WTAP: variants seen among roughly 807,000 people sequenced by gnomAD.
The protein encoded by WTAP is pre-mRNA-splicing regulator WTAP.
In WTAP, 8 loss-of-function variants were observed where a neutral mutation model predicts 50.0. That is an observed-to-expected ratio of 0.16 (90% CI 0.09 to 0.29). The LOEUF is 0.29. Ranked by LOEUF, WTAP falls within the 10% of genes least tolerant of loss-of-function variation. The pLI is 1.00. For synonymous variants in WTAP, 194 were observed against 169.0 expected, an observed-to-expected ratio of 1.15 and a Z score of -1.15; for missense variants, 295 against 470.7, an observed-to-expected ratio of 0.63 and a Z score of 3.45.
chr6:159,727,256 C>T (rs754614257), upstream of WTAP: 22 of 1,283,106 alleles, frequency 1.7e-5, no homozygotes, highest in South Asian at 2.2e-4. Context: ...GACGGCCTCC[C>T]TCCCTTCACC....
intron 4 of WTAP, among the ~76,000 whole-genome samples, chr6:159,742,750 G>A (rs1391314217): frequency 6.6e-6 from 1 of 152,110 alleles, no homozygotes; most frequent in Admixed American, 6.6e-5. Context: ...ACCCATAGAA[G>A]TCATGAACAT....
intron 2 of WTAP, 113 bp from the exon 3 acceptor site, chr6:159,738,877 A>T: frequency 1.5e-6 from 1 of 689,276 alleles, no homozygotes; most frequent in Non-Finnish European, 2.3e-6. Flanking sequence ...AAAAAATCAT[A>T]ATATGTACTG....
At chr6:159,738,874 CATAAT>C (rs748664236) in intron 2 of WTAP, 111 bp from the exon 3 acceptor site, 8 of 622,936 alleles carry the variant, frequency 1.3e-5, no homozygotes, top group African/African-American at 3.8e-5. Flanking sequence ...TTCAAAAAAT[CATAAT>C]ATGTACTGAG....
intron 5 of WTAP, among the ~76,000 whole-genome samples, chr6:159,744,729 G>T (rs555354271): frequency 4.6e-5 from 7 of 151,400 alleles, no homozygotes; most frequent in African/African-American, 1.5e-4. Flanking sequence ...TAACCCCCCC[G>T]CCCTTTTCTT....
chr6:159,742,744 A>G (rs1021247606), intron 4 of WTAP, among the ~76,000 whole-genome samples: 2 of 152,302 alleles, frequency 1.3e-5, no homozygotes, highest in Non-Finnish European at 2.9e-5. Flanking sequence ...TGTGTTACCC[A>G]TAGAAGTCAT....
At chr6:159,739,553 G>A (rs1042255514) in intron 3 of WTAP, among the ~76,000 whole-genome samples, 3 of 152,176 alleles carry the variant, frequency 2.0e-5, no homozygotes, top group African/African-American at 4.8e-5. Context: ...CAAGTACAAC[G>A]TATAATCTTT....
intron 1 of WTAP, among the ~76,000 whole-genome samples, chr6:159,728,335 A>G (rs932247603): frequency 1.3e-5 from 2 of 152,208 alleles, no homozygotes; most frequent in African/African-American, 4.8e-5. Context: ...TCTTGTTTTG[A>G]TAAGAAAGTC....
intron 2 of WTAP, 65 bp from the exon 3 acceptor site, chr6:159,738,925 G>T (rs949706696): frequency 8.4e-7 from 1 of 1,195,130 alleles, no homozygotes; most frequent in Admixed American, 2.0e-5. Context: ...TGTTTCATAG[G>T]TCTCATTATA....
chr6:159,740,088 TC>T (rs1779159167), intron 3 of WTAP, among the ~76,000 whole-genome samples: 1 of 152,040 alleles, frequency 6.6e-6, no homozygotes, highest in Non-Finnish European at 1.5e-5. Context: ...GAAGTGATTC[TC>T]TCACCTTGGC....
intron 6 of WTAP, 151 bp from the exon 7 acceptor site, chr6:159,753,309 A>G: frequency 8.9e-7 from 1 of 1,122,554 alleles, no homozygotes; most frequent in South Asian, 1.5e-5. Flanking sequence ...CAGAAGATGG[A>G]TGTGTCCCAG....
chr6:159,755,896 G>GA lies in WTAP; in HGVS notation c.*288dup, dbSNP rs1779996880. 2.9e-6 allele frequency: 1 copy of GA among 339,674 alleles called. No individual in the cohort carries two copies. Among genetic ancestry groups the GA allele is most frequent in the Non-Finnish European group, 4.9e-6 (1 of 204,036 alleles). The allele number at this position is 339,674 out of a possible 1,614,324, so 21.0% of individuals were successfully genotyped here. ...AAGTTATTTTTATATGAGTTAATGT[G>GA]AAATTGTAAATGGAAATTTTTCCTT... On this transcript the variant is annotated 3_prime_UTR_variant, in exon 8 of 8. Coordinates refer to ENST00000621533, the MANE Select transcript of WTAP (RefSeq NM_001270531.2).
At chr6:159,734,164 G>A (rs981152170) in intron 1 of WTAP, among the ~76,000 whole-genome samples, 6 of 151,914 alleles carry the variant, frequency 3.9e-5, no homozygotes, top group Non-Finnish European at 8.8e-5. Context: ...AAGTAGTCTT[G>A]GTGTGTGTGT....
chr6:159,736,942 A>G lies in WTAP; in HGVS notation c.30+647A>G, dbSNP rs183508188. Among the ~76,000 whole-genome samples the G allele has an allele frequency of 1.8e-3, 276 of 152,350 alleles. 2 individuals are homozygous for G. The highest frequency in any genetic ancestry group is 3.2e-3 in the Non-Finnish European group (221 of 68,030). ...CTTAATATTTAAGTGAATAATTTAG[A>G]TATTACAGAAGTTTCCTATTGTGGA... On this transcript the variant is annotated intron_variant, in intron 2 of 7. Coordinates refer to ENST00000621533, the MANE Select transcript of WTAP (RefSeq NM_001270531.2).
At chr6:159,727,800 C>T (rs908334536) in intron 1 of WTAP, 97 bp downstream of exon 1, 1 of 875,764 alleles carries the variant, frequency 1.1e-6, no homozygotes, top group Non-Finnish European at 1.4e-6. Context: ...GCGGGCAGGG[C>T]CCGAAAGGCC....
At chr6:159,727,009 C>T, upstream of WTAP, 3 of 1,248,884 alleles carry the variant, frequency 2.4e-6, no homozygotes, top group Non-Finnish European at 3.1e-6. Flanking sequence ...TCCCTCCGCA[C>T]GAGGCAGCCC....
chr6:159,727,250 G>C, upstream of WTAP: 1 of 1,282,912 alleles, frequency 7.8e-7, no homozygotes, highest in Non-Finnish European at 1.0e-6. Context: ...TAGGCCGACG[G>C]CCTCCCTCCC....
At chr6:159,731,254 A>T (rs1442290257) in intron 1 of WTAP, among the ~76,000 whole-genome samples, 3 of 151,974 alleles carry the variant, frequency 2.0e-5, no homozygotes, top group Admixed American at 1.3e-4. Context: ...TGAGCCCAGG[A>T]GTTCAAGACC....
rs1205033149 is a variant in WTAP, at chr6:159,727,513, A to G, written c.-199A>G. ...GCGGCGGGGCCTGGTTTCCTCCCTC[A>G]GCGCCATTTTGTGGCAGCGAGACCC... On this transcript the variant is annotated 5_prime_UTR_variant, in exon 1 of 8. Coordinates refer to ENST00000621533, the MANE Select transcript of WTAP (RefSeq NM_001270531.2). 1 of 991,766 alleles carries G rather than the reference A, an allele frequency of 1.0e-6. No individual in the cohort carries two copies. Among genetic ancestry groups the G allele is most frequent in the Non-Finnish European group, 1.2e-6 (1 of 835,278 alleles). The allele number at this position is 991,766 out of a possible 1,614,324, so 61.4% of individuals were successfully genotyped here.
At chr6:159,746,674 A>G (rs547600700) in intron 5 of WTAP, among the ~76,000 whole-genome samples, 283 of 152,268 alleles carry the variant, frequency 1.9e-3, no homozygotes, top group Non-Finnish European at 1.9e-3. Flanking sequence ...ACTATATTTT[A>G]TTTTGTTGGT....
Sources: gnomAD v4.1 joint callset for allele counts (sites outside exome capture counted in the v4.1 genomes callset) on GRCh38, gnomAD v4.1.1 for gene constraint, MANE v1.5 for transcripts, NCBI Gene and HGNC (gene_info 2026-07-23, HGNC 2026-07-21) for gene names.